MCFD2: variants seen among roughly 807,000 people sequenced by gnomAD.
MCFD2 encodes the protein multiple coagulation factor deficiency 2, ER cargo receptor complex subunit.
MCFD2 carries 11 observed loss-of-function variants against 12.8 expected under a neutral mutation model. That is an observed-to-expected ratio of 0.86 (90% CI 0.54 to 1.42). The LOEUF is 1.42. MCFD2 is among the 40% of genes most tolerant of loss of function. The pLI, the probability that MCFD2 is intolerant of heterozygous loss-of-function variation, is 0.00. For synonymous variants in MCFD2, 70 were observed against 68.1 expected (o/e 1.03, Z -0.14); for missense variants, 191 against 178.6 (o/e 1.07, Z -0.40).
upstream of MCFD2, among the ~76,000 whole-genome samples, chr2:46,919,864 C>A (rs966550055): frequency 6.6e-6 from 1 of 152,262 alleles, no homozygotes; most frequent in African/African-American, 2.4e-5. Flanking sequence ...ATCACCCTTG[C>A]ATTGGATGAG....
intron 1 of MCFD2, among the ~76,000 whole-genome samples, chr2:46,909,679 T>C (rs966615199): frequency 2.0e-5 from 3 of 152,088 alleles, no homozygotes; most frequent in African/African-American, 7.2e-5. Context: ...ACCACAGGAA[T>C]GGTGGGAGCA....
At position 46,907,963 on chromosome 2, in the gene MCFD2, G is replaced by C. The variant is rs775825745; in HGVS notation, c.156C>G (p.Ile52Met). ...TGATGACACCTTCTAGATGCTCCAT[G>C]ATATGCCTAAAAATCAACAGTCAGG... The part of the protein sequence containing the change: ...DKNTVHDQEH[I>M]MEHLEGVINK... Residue 52 changes from isoleucine (I) to methionine (M), a missense_variant, in exon 3 of 4, where the codon ATC (isoleucine) becomes ATG (methionine). Physicochemically the swap from Ile to Met is conservative, Grantham distance 10. Coordinates refer to ENST00000319466, the MANE Select transcript of MCFD2 (RefSeq NM_139279.6). This position sits in a 1 kb window ranked among gnomAD's most constrained non-coding sequence, Gnocchi z 4.1. 14 of 1,614,012 alleles carry C rather than the reference G, an allele frequency of 8.7e-6. No homozygotes were observed. Among genetic ancestry groups the C allele is most frequent in the Non-Finnish European group, 1.2e-5 (14 of 1,180,044 alleles).
rs1182868645 is a variant in MCFD2 at position 46,902,299 on chromosome 2, CTT to C, written c.*3162_*3163del. 9.8e-5 allele frequency: 15 copies of C among 152,636 alleles called. No homozygotes were observed. Among genetic ancestry groups the C allele is most frequent in the Non-Finnish European group, 1.6e-4 (11 of 68,036 alleles). The allele number at this position is 152,636 out of a possible 1,614,324, so 9.5% of individuals were successfully genotyped here. On this transcript the variant is annotated 3_prime_UTR_variant, in exon 4 of 4. Coordinates refer to ENST00000319466, the MANE Select transcript of MCFD2 (RefSeq NM_139279.6). ...AAGAGGTAACTTCAACAATATCCCT[CTT>C]GACTAGAACTTCTATCTGATTAATC...
chr2:46,936,112 G>T (rs939939594), intron 1 of MCFD2, among the ~76,000 whole-genome samples: 2 of 152,070 alleles, frequency 1.3e-5, no homozygotes, highest in African/African-American at 2.4e-5. Context: ...AAAATAATAA[G>T]AAATAAATAT....
chr2:46,913,267 G>T (rs1230783420), intron 1 of MCFD2, among the ~76,000 whole-genome samples: 1 of 152,176 alleles, frequency 6.6e-6, no homozygotes, highest in African/African-American at 2.4e-5. Flanking sequence ...AGGGAATCGG[G>T]CTGGGCATGG....
intron 1 of MCFD2, among the ~76,000 whole-genome samples, chr2:46,925,711 T>C (rs1007987823): frequency 6.6e-6 from 1 of 152,228 alleles, no homozygotes; most frequent in Non-Finnish European, 1.5e-5. Context: ...TGTTTATTTT[T>C]CATTTTTCCC....
intron 1 of MCFD2, among the ~76,000 whole-genome samples, chr2:46,926,663 A>G (rs1669399594): frequency 1.3e-5 from 2 of 152,266 alleles, no homozygotes; most frequent in African/African-American, 4.8e-5. Context: ...TTTCAGAAGA[A>G]TATAAAATTA....
At chr2:46,916,260 C>T, upstream of MCFD2, 1 of 787,638 alleles carries the variant, frequency 1.3e-6, no homozygotes, top group Non-Finnish European at 1.5e-6. Flanking sequence ...ACGACCACAA[C>T]ACGCTGGAGC....
chr2:46,928,243 T>G (rs76525433), intron 1 of MCFD2, among the ~76,000 whole-genome samples: 10,594 of 151,872 alleles, frequency 0.07, 518 homozygotes, highest in African/African-American at 0.13. Flanking sequence ...TTTTGCAGCT[T>G]AAAATAACAC....
chr2:46,915,806 G>GGGGGGGGGGGGGGGGGGGGGC, upstream of MCFD2: 1 of 512,582 alleles, frequency 2.0e-6, no homozygotes, highest in Non-Finnish European at 2.1e-6. Flanking sequence ...CCTCGGCTTC[G>GGGGGGGGGGGGGGGGGGGGGC]CCCCGCCCCC....
At chr2:46,906,475 ATT>A (rs70940646) in intron 3 of MCFD2, among the ~76,000 whole-genome samples, 502 of 91,632 alleles carry the variant, frequency 5.5e-3, no homozygotes, top group African/African-American at 0.021. Flanking sequence ...AGGCACGAGG[ATT>A]TTTTTTTTTT....
chr2:46,932,726 C>G (rs1669772806), intron 1 of MCFD2, among the ~76,000 whole-genome samples: 1 of 151,658 alleles, frequency 6.6e-6, no homozygotes, highest in Non-Finnish European at 1.5e-5. Context: ...CAAGGTGAAA[C>G]CCCATCTCTG....
chr2:46,922,967 C>T (rs1345411834), intron 1 of MCFD2, among the ~76,000 whole-genome samples: 1 of 152,198 alleles, frequency 6.6e-6, no homozygotes, highest in Non-Finnish European at 1.5e-5. Context: ...CCCAAGACCC[C>T]CTCTTTATTA....
intron 1 of MCFD2, among the ~76,000 whole-genome samples, chr2:46,939,200 C>A (rs905086237): frequency 1.3e-5 from 2 of 152,142 alleles, no homozygotes; most frequent in African/African-American, 4.8e-5. Flanking sequence ...AAGGTTCAGA[C>A]TGACCCATCT....
In MCFD2 at chr2:46,940,027, G is replaced by A. The variant is rs974942322; in HGVS notation, c.-8+1545C>T. Among the ~76,000 whole-genome samples, 16 of 152,162 alleles carry A rather than the reference G, an allele frequency of 1.1e-4. No homozygotes were observed. Among genetic ancestry groups the A allele is most frequent in the African/African-American group, 3.9e-4 (16 of 41,430 alleles). ...AGGACTGGAGCTGCATTTAGAACCCGGAGAGGAGGGCCTCCACATGGGAGT... is the reference window on the plus strand; with the variant it reads ...AGGACTGGAGCTGCATTTAGAACCCAGAGAGGAGGGCCTCCACATGGGAGT... On this transcript the variant is annotated intron_variant, in intron 1 of 2. Transcript: ENST00000409147. The surrounding 1 kb of genome is among the most constrained non-coding windows in gnomAD (Gnocchi z 4.7).
chr2:46,904,564 T>G lies in MCFD2; in HGVS notation c.*899A>C, dbSNP rs1238808591. ...GAGATTATTCTGGAACTTTAAAATT[T>G]GACAGCCCTGCTGGATTTCGGACTT... On this transcript the variant is annotated 3_prime_UTR_variant, in exon 4 of 4. Coordinates refer to ENST00000319466, the MANE Select transcript of MCFD2 (RefSeq NM_139279.6). The G allele has an allele frequency of 6.6e-6, 1 of 152,254 alleles. No homozygotes were observed. The allele number at this position is 152,254 out of a possible 1,614,324, so 9.4% of individuals were successfully genotyped here. A position where few individuals can be genotyped will look rare whatever the true frequency, so the allele number is the denominator to read the frequency against.
At chr2:46,916,261 A>G, upstream of MCFD2, 1 of 785,442 alleles carries the variant, frequency 1.3e-6, no homozygotes, top group Non-Finnish European at 1.5e-6. Flanking sequence ...CGACCACAAC[A>G]CGCTGGAGCC....
At chr2:46,932,412 G>C (rs1432518932) in intron 1 of MCFD2, among the ~76,000 whole-genome samples, 1 of 152,132 alleles carries the variant, frequency 6.6e-6, no homozygotes, top group Admixed American at 6.5e-5. Flanking sequence ...GCCTCCCAAA[G>C]TGCTGGGATT....
chr2:46,918,720 A>C (rs1239611281), upstream of MCFD2, among the ~76,000 whole-genome samples: 1 of 152,248 alleles, frequency 6.6e-6, no homozygotes, highest in Non-Finnish European at 1.5e-5. Context: ...GCCACATGCC[A>C]ACCAATGCTA....
Sources: gnomAD v4.1 joint callset for allele counts (sites outside exome capture counted in the v4.1 genomes callset) on GRCh38, gnomAD v4.1.1 for gene constraint, Gnocchi (gnomAD v3.1) non-coding constraint, MANE v1.5 for transcripts, NCBI Gene and HGNC (gene_info 2026-07-23, HGNC 2026-07-21) for gene names.